FRMD3: variants seen among roughly 807,000 people sequenced by gnomAD.
FRMD3 encodes the protein FERM domain containing 3.
In FRMD3, 33 loss-of-function variants were observed where a neutral mutation model predicts 70.2. That is an observed-to-expected ratio of 0.47 (90% CI 0.36 to 0.63). FRMD3 has a LOEUF of 0.63. Ranked by LOEUF, FRMD3 falls within the 20% of genes least tolerant of loss-of-function variation. The pLI is 0.00. For synonymous variants in FRMD3, 279 were observed against 255.9 expected, an observed-to-expected ratio of 1.09 and a Z score of -0.86; for missense variants, 632 against 711.4, an observed-to-expected ratio of 0.89 and a Z score of 1.27.
At chr9:83,299,847 C>T (rs1262808869) in intron 10 of FRMD3, among the ~76,000 whole-genome samples, 3 of 152,192 alleles carry the variant, frequency 2.0e-5, no homozygotes, top group Admixed American at 6.5e-5. Context: ...GAGCCCTACT[C>T]GTAAATAAGA....
intron 2 of FRMD3, among the ~76,000 whole-genome samples, chr9:83,382,155 A>G (rs61121725): frequency 0.032 from 4,887 of 152,292 alleles, 255 homozygotes; most frequent in African/African-American, 0.11. Context: ...AGCTTGTTAC[A>G]GTGGAATTTA....
rs1564032478 is a variant in FRMD3, at chr9:83,357,240, TACATACA to T, written c.296-7490_296-7484del. Among the ~76,000 whole-genome samples, 11 of 7,572 alleles carry T rather than the reference TACATACA, an allele frequency of 1.5e-3. 1 individual carries two copies. Among genetic ancestry groups the T allele is most frequent in the African/African-American group, 4.1e-3 (8 of 1,934 alleles). The allele number at this position is 7,572 out of a possible 152,430, so 5.0% of individuals were successfully genotyped here. On this transcript the variant is annotated intron_variant, in intron 3 of 13. Coordinates refer to ENST00000304195, the MANE Select transcript of FRMD3 (RefSeq NM_174938.6). Reference sequence around the variant, plus strand: ...ATATATATATTTTATATATATATAATACATACATATATATATATATATATATATATAT... The same window carrying T: ...ATATATATATTTTATATATATATAATTATATATATATATATATATATATAT...
the FRMD3 span, among the ~76,000 whole-genome samples, chr9:83,568,955 G>C: frequency 0.23 from 30,166 of 130,300 alleles, 3,601 homozygotes; most frequent in Middle Eastern, 0.25. Flanking sequence ...TAGATAGATA[G>C]ATACATACAT....
chr9:83,319,309 T>C lies in FRMD3; in HGVS notation c.597-5562A>G, dbSNP rs140211051. Among the ~76,000 whole-genome samples, 343 of 152,324 alleles carry C rather than the reference T, an allele frequency of 2.3e-3. 1 individual carries two copies. Among genetic ancestry groups the C allele is most frequent in the African/African-American group, 8.0e-3 (333 of 41,570 alleles). On this transcript the variant is annotated intron_variant, in intron 6 of 13. Transcript: ENST00000304195. ...CCTAGGTTTTCTTCTAGGATTTTTA[T>C]AGTTCAAGGTCTTATGTTTAGGTCT...
chr9:83,405,220 C>T (rs1027576881), intron 1 of FRMD3, among the ~76,000 whole-genome samples: 1 of 152,162 alleles, frequency 6.6e-6, no homozygotes, highest in East Asian at 1.9e-4. Context: ...AATGTATTAA[C>T]CTCTCTGGGC....
intron 1 of FRMD3, among the ~76,000 whole-genome samples, chr9:83,396,109 G>A (rs1825804690): frequency 6.6e-6 from 1 of 152,140 alleles, no homozygotes; most frequent in Non-Finnish European, 1.5e-5. Flanking sequence ...TTTGTTTACA[G>A]GGCTGTCAAA....
intron 3 of FRMD3, among the ~76,000 whole-genome samples, chr9:83,351,355 A>C (rs1824152415): frequency 2.1e-5 from 1 of 48,000 alleles, no homozygotes; most frequent in South Asian, 5.8e-4. Context: ...CACACACACT[A>C]GAACTCTTTT....
At chr9:83,413,042 G>T (rs1826325781) in intron 1 of FRMD3, among the ~76,000 whole-genome samples, 1 of 151,806 alleles carries the variant, frequency 6.6e-6, no homozygotes, top group South Asian at 2.1e-4. Context: ...AGAAAGATAA[G>T]AAAAAGAAAA....
At chr9:83,281,369 C>T (rs1236370230) in intron 13 of FRMD3, among the ~76,000 whole-genome samples, 1 of 152,188 alleles carries the variant, frequency 6.6e-6, no homozygotes, top group Non-Finnish European at 1.5e-5. Flanking sequence ...ATGTCTTCCC[C>T]TCCGCAGACC....
chr9:83,429,653 C>T (rs1028254371), intron 1 of FRMD3, among the ~76,000 whole-genome samples: 1 of 152,174 alleles, frequency 6.6e-6, no homozygotes, highest in African/African-American at 2.4e-5. Flanking sequence ...CCTGGGCCTT[C>T]GTGAGGCTTC....
Position 83,477,638 on chromosome 9 carries a change from T to C in FRMD3, c.147+60447A>G, listed in dbSNP as rs11140110. ...GGTTCTATTACTACTGAAGAAAAGG[T>C]TTTTTGTCTCATCCCCTAGGATTAT... On this transcript the variant is annotated intron_variant, in intron 1 of 13. Transcript: ENST00000304195. Among the ~76,000 whole-genome samples, 4,240 of 152,102 alleles carry C rather than the reference T, an allele frequency of 0.028. 333 individuals are homozygous for C. In the East Asian group the frequency reaches 0.3, roughly 11 times the overall value.
chr9:83,276,812 C>T (rs746646335), intron 13 of FRMD3, among the ~76,000 whole-genome samples: 11 of 152,252 alleles, frequency 7.2e-5, no homozygotes, highest in Non-Finnish European at 1.3e-4. Flanking sequence ...CAGGTTCAAG[C>T]GATTCTCATG....
the FRMD3 span, among the ~76,000 whole-genome samples, chr9:83,551,225 TAAGATA>T: frequency 6.6e-6 from 1 of 152,214 alleles, no homozygotes; most frequent in African/African-American, 2.4e-5. Context: ...CTGCATCTAT[TAAGATA>T]ATCATATGGT....
At chr9:83,553,668 T>C in the FRMD3 span, among the ~76,000 whole-genome samples, 3 of 152,238 alleles carry the variant, frequency 2.0e-5, no homozygotes, top group Admixed American at 1.3e-4. Context: ...ATACTTGTGA[T>C]GGCATTGTGA....
intron 3 of FRMD3, among the ~76,000 whole-genome samples, chr9:83,365,787 A>G (rs1471809249): frequency 1.3e-5 from 2 of 152,214 alleles, no homozygotes; most frequent in Non-Finnish European, 2.9e-5. Flanking sequence ...GTTTAGGCAG[A>G]GAGGAAGCCT....
intron 1 of FRMD3, among the ~76,000 whole-genome samples, chr9:83,516,110 C>T (rs980708255): frequency 6.6e-6 from 1 of 152,142 alleles, no homozygotes; most frequent in Non-Finnish European, 1.5e-5. Flanking sequence ...ATCAAATTCA[C>T]ACATAACAAT....
chr9:83,282,733 T>G (rs1450063353), intron 13 of FRMD3, among the ~76,000 whole-genome samples: 4 of 152,176 alleles, frequency 2.6e-5, no homozygotes, highest in Non-Finnish European at 5.9e-5. Flanking sequence ...ATCTGAGACA[T>G]TAATGCAGAA....
At chr9:83,447,809 T>C (rs1229442692) in intron 1 of FRMD3, among the ~76,000 whole-genome samples, 1 of 152,192 alleles carries the variant, frequency 6.6e-6, no homozygotes, top group African/African-American at 2.4e-5. Context: ...CACCACCATG[T>C]TCTGGCCGAG....
chr9:83,500,502 G>GTGTATACACACA (rs1554713117), intron 1 of FRMD3, among the ~76,000 whole-genome samples: 2 of 143,818 alleles, frequency 1.4e-5, no homozygotes, highest in African/African-American at 5.1e-5. Context: ...GTGTATGCGC[G>GTGTATACACACA]CACACACACA....
Sources: gnomAD v4.1 joint callset for allele counts (sites outside exome capture counted in the v4.1 genomes callset) on GRCh38, gnomAD v4.1.1 for gene constraint, MANE v1.5 for transcripts, NCBI Gene and HGNC (gene_info 2026-07-23, HGNC 2026-07-21) for gene names.